Variants in GP6 observed in about 807,000 individuals in gnomAD.
The protein encoded by GP6 is glycoprotein VI platelet.
Under a neutral mutation model 37.3 loss-of-function variants are expected in GP6, and 45 were observed. The ratio of observed to expected loss-of-function variants is 1.21; its 90% CI spans 0.95 to 1.55. The LOEUF is 1.55. Ranked by LOEUF, GP6 falls within the 40% of genes most tolerant of loss-of-function variation. The probability of loss-of-function intolerance (pLI) is 0.00; values close to 1 mark genes in which losing one functional copy is unlikely to be tolerated. For missense variants in GP6, 813 were observed against 760.2 expected (o/e 1.07, Z -0.82); for synonymous variants, 340 against 316.4 (o/e 1.07, Z -0.79).
In GP6 at chr19:55,032,124, T is replaced by A. The variant is rs951109424; in HGVS notation, c.325+15A>T. ...AGGACCACGCAGTCCCAGGCTCCGATCCCCCTTCCTTTACCCGTGGCAACG... is the reference window on the plus strand; with the variant it reads ...AGGACCACGCAGTCCCAGGCTCCGAACCCCCTTCCTTTACCCGTGGCAACG... On this transcript the variant is annotated intron_variant, in intron 3 of 7. Transcript: ENST00000310373. 1.2e-6 allele frequency: 2 copies of A among 1,612,860 alleles called. No homozygotes were observed. The highest frequency in any genetic ancestry group is 3.3e-5 in the Admixed American group (2 of 59,994).
At chr19:55,024,280 A>ACACATGCACGCATG (rs749387274) in intron 5 of GP6, among the ~76,000 whole-genome samples, 413 of 30,388 alleles carry the variant, frequency 0.014, 1 homozygote, top group Non-Finnish European at 0.031. Flanking sequence ...ACGCATGCAC[A>ACACATGCACGCATG]CACACACATA....
intron 1 of GP6, chr19:55,032,830 C>T: frequency 1.8e-6 from 1 of 569,440 alleles, no homozygotes; most frequent in Non-Finnish European, 3.1e-6. Flanking sequence ...TGGTGGCGTA[C>T]TGCTCTCTGT....
At position 55,024,342 on chromosome 19, in the gene GP6, G is replaced by GCACA. The variant is rs1568613398; in HGVS notation, c.664+872_664+875dup. Reference sequence around the variant, plus strand: ...CACACACACATATGCACGCACACACGCACATGCACGCACACACACATATGC... The same window carrying GCACA: ...CACACACACATATGCACGCACACACGCACACACATGCACGCACACACACATATGC... On this transcript the variant is annotated intron_variant, in intron 5 of 7. Coordinates refer to ENST00000310373, the MANE Select transcript of GP6 (RefSeq NM_001083899.2). 5.0e-4 allele frequency among the ~76,000 whole-genome samples: 9 copies of GCACA among 17,910 alleles called. No individual in the cohort carries two copies. In the South Asian group the frequency reaches 9.0e-3, roughly 18 times the overall value. The allele number at this position is 17,910 out of a possible 152,430, so 11.7% of individuals were successfully genotyped here. A position where few individuals can be genotyped will look rare whatever the true frequency, so the allele number is the denominator to read the frequency against.
chr19:55,014,993 C>A lies in GP6; in HGVS notation c.952G>T (p.Ala318Ser), dbSNP rs770868762. Reference sequence around the variant, plus strand: ...GACCCCCGTTTGATTTCCGGGTCAGCGGGAGGGGCGGGAGGGGCGGAAGCG... The same window carrying A: ...GACCCCCGTTTGATTTCCGGGTCAGAGGGAGGGGCGGGAGGGGCGGAAGCG... Residue 318 changes from alanine (A) to serine (S), a missense_variant, in exon 8 of 8, where the codon GCT becomes TCT. By Grantham distance (99) the Ala-to-Ser change is moderately conservative. Coordinates refer to ENST00000310373, the MANE Select transcript of GP6 (RefSeq NM_001083899.2). 6.6e-7 allele frequency: 1 copy of A among 1,522,042 alleles called. No homozygotes were observed. The highest frequency in any genetic ancestry group is 2.7e-5 in the East Asian group (1 of 37,378). The allele number at this position is 1,522,042 out of a possible 1,614,324, so 94.3% of individuals were successfully genotyped here. A position where few individuals can be genotyped will look rare whatever the true frequency, so the allele number is the denominator to read the frequency against.
chr19:55,016,461 C>T (rs1413772677), intron 6 of GP6, among the ~76,000 whole-genome samples: 26 of 147,178 alleles, frequency 1.8e-4, no homozygotes, highest in African/African-American at 3.8e-4. Context: ...CTTCAACCTC[C>T]GCCTCCTGGG....
chr19:55,019,107 C>CTTTTTTTTTT lies in GP6; in HGVS notation c.665-406_665-397dup, dbSNP rs538058206. On this transcript the variant is annotated intron_variant, in intron 5 of 7. Coordinates refer to ENST00000310373, the MANE Select transcript of GP6 (RefSeq NM_001083899.2). The stretch of plus-strand genomic sequence containing the variant: ...ACTACCAGACTTCTTTCTTTTTTTT[C>CTTTTTTTTTT]TTTTTTTTTTTTTTTTGAGACAGAG... 2.8e-4 allele frequency among the ~76,000 whole-genome samples: 37 copies of CTTTTTTTTTT among 132,848 alleles called. 2 individuals are homozygous for CTTTTTTTTTT. The highest frequency in any genetic ancestry group is 6.5e-4 in the East Asian group (3 of 4,622). The allele number at this position is 132,848 out of a possible 152,430, so 87.2% of individuals were successfully genotyped here. A position where few individuals can be genotyped will look rare whatever the true frequency, so the allele number is the denominator to read the frequency against.
chr19:55,037,901 G>A (rs959616118), intron 1 of GP6, among the ~76,000 whole-genome samples: 13 of 152,036 alleles, frequency 8.6e-5, no homozygotes, highest in Admixed American at 4.6e-4. Flanking sequence ...GATTACAGGC[G>A]TGAGCCACTG....
rs1469115125 is a variant in GP6, at chr19:55,032,903, TAGACACGGTGGGCTCGTTC to T, written c.35-384_35-366del. The stretch of plus-strand genomic sequence containing the variant: ...TTAGACACGGTGGACTCGTTCGTGT[TAGACACGGTGGGCTCGTTC>T]GTGTTAGACACGGTGGGCTCGTTCG... On this transcript the variant is annotated intron_variant, in intron 1 of 7. Coordinates refer to ENST00000310373, the MANE Select transcript of GP6 (RefSeq NM_001083899.2). The T allele has an allele frequency of 4.3e-4, 176 of 409,606 alleles. 2 individuals are homozygous for T. The highest frequency in any genetic ancestry group is 1.7e-3 in the African/African-American group (76 of 45,724). 25.4% of individuals were successfully genotyped at this position (409,606 alleles called of 1,614,324 possible).
chr19:55,037,623 CTTTTTT>C (rs1179101360), intron 1 of GP6, among the ~76,000 whole-genome samples: 4 of 50,450 alleles, frequency 7.9e-5, no homozygotes, highest in South Asian at 1.8e-3. Flanking sequence ...GGCACTCAGC[CTTTTTT>C]TTTTTTTTTT....
intron 1 of GP6, among the ~76,000 whole-genome samples, chr19:55,034,896 C>CA (rs1323699039): frequency 6.6e-6 from 1 of 152,162 alleles, no homozygotes; most frequent in African/African-American, 2.4e-5. Flanking sequence ...CCAGCGCCCC[C>CA]ATAGCCACCA....
At chr19:55,032,466 C>G (rs2288905) in intron 2 of GP6, 40 bp downstream of exon 2, 2 of 1,613,012 alleles carry the variant, frequency 1.2e-6, no homozygotes, top group African/African-American at 1.3e-5. Context: ...CCCGCGCTGG[C>G]GGATCCCGCA....
chr19:55,024,291 T>TGCACGCACACACACAC (rs879694712), intron 5 of GP6, among the ~76,000 whole-genome samples: 54,121 of 110,014 alleles, frequency 0.49, 14,075 homozygotes, highest in East Asian at 0.68. Flanking sequence ...CACACACATA[T>TGCACGCACACACACAC]GCACGCATGC....
chr19:55,022,981 A>G (rs915311596), intron 5 of GP6, among the ~76,000 whole-genome samples: 3 of 152,220 alleles, frequency 2.0e-5, no homozygotes, highest in Non-Finnish European at 4.4e-5. Context: ...ACTATCATTG[A>G]CATTCCTCAC....
intron 5 of GP6, among the ~76,000 whole-genome samples, chr19:55,021,520 G>GGTTTTTTTTTTTTTTTTTT (rs556854980): frequency 7.9e-6 from 1 of 126,246 alleles, no homozygotes. Flanking sequence ...ACTTTTGTTG[G>GGTTTTTTTTTTTTTTTTTT]TTTTTTTTTT....
Position 55,032,503 on chromosome 19 carries a change from C to A in GP6, c.67+3G>T, listed in dbSNP as rs374449011. 6.2e-7 allele frequency: 1 copy of A among 1,613,706 alleles called. No individual in the cohort carries two copies. Among genetic ancestry groups the A allele is most frequent in the Non-Finnish European group, 8.5e-7 (1 of 1,179,990 alleles). On this transcript the variant is annotated splice_donor_region_variant and intron_variant, in intron 2 of 7. Transcript: ENST00000310373. ...GAGGGAAGGGGTCTGGGGAAGGACT[C>A]ACCACTCTGCGCTGGCACACGCCCC...
At chr19:55,019,098 CTTTTT>C (rs1430710220) in intron 5 of GP6, among the ~76,000 whole-genome samples, 1 of 74,958 alleles carries the variant, frequency 1.3e-5, no homozygotes, top group African/African-American at 4.0e-5. Flanking sequence ...AGACTTCTTT[CTTTTT>C]TTTCTTTTTT....
chr19:55,032,027 G>A (rs2074575862), intron 3 of GP6, 112 bp downstream of exon 3: 6 of 1,051,788 alleles, frequency 5.7e-6, no homozygotes, highest in African/African-American at 1.6e-5. Context: ...ACCACCACCC[G>A]CTAGGCCAGT....
At chr19:55,031,748 ATCTC>A (rs966322297) in intron 3 of GP6, among the ~76,000 whole-genome samples, 1 of 151,686 alleles carries the variant, frequency 6.6e-6, no homozygotes, top group South Asian at 2.1e-4. Flanking sequence ...GCGAGACCCT[ATCTC>A]TCTCTCTTTT....
chr19:55,023,939 G>A (rs2074172691), intron 5 of GP6, among the ~76,000 whole-genome samples: 1 of 107,560 alleles, frequency 9.3e-6, no homozygotes, highest in South Asian at 3.3e-4. Context: ...GGGATGGCAA[G>A]GGAAGGAGAA....
Sources: gnomAD v4.1 joint callset for allele counts (sites outside exome capture counted in the v4.1 genomes callset) on GRCh38, gnomAD v4.1.1 for gene constraint, MANE v1.5 for transcripts, NCBI Gene and HGNC (gene_info 2026-07-23, HGNC 2026-07-21) for gene names.